HMGCLL1: variants seen among roughly 807,000 people sequenced by gnomAD.
HMGCLL1 encodes the protein 3-hydroxymethyl-3-methylglutaryl-CoA lyase, cytoplasmic.
A neutral mutation model predicts 39.1 loss-of-function variants in HMGCLL1; 36 were observed. That is an observed-to-expected ratio of 0.92 (90% CI 0.71 to 1.22). HMGCLL1 has a LOEUF of 1.22. HMGCLL1 is among the 50% of genes most tolerant of loss of function. The probability of loss-of-function intolerance (pLI) is 0.00; values close to 1 mark genes in which losing one functional copy is unlikely to be tolerated. For synonymous variants in HMGCLL1, 149 were observed against 144.0 expected (o/e 1.03, Z -0.25); for missense variants, 451 against 416.5 (o/e 1.08, Z -0.72).
At chr6:55,566,340 C>T (rs1771209878) in intron 1 of HMGCLL1, among the ~76,000 whole-genome samples, 1 of 152,126 alleles carries the variant, frequency 6.6e-6, no homozygotes, top group Admixed American at 6.6e-5. Context: ...TAATAAAGTT[C>T]ACCAAAAAGA....
chr6:55,471,874 C>T (rs1010552756), intron 7 of HMGCLL1, among the ~76,000 whole-genome samples: 2 of 151,468 alleles, frequency 1.3e-5, no homozygotes, highest in African/African-American at 4.8e-5. Flanking sequence ...ACATCTATAA[C>T]CATGGATTAG....
chr6:55,591,145 A>T, the HMGCLL1 span, among the ~76,000 whole-genome samples: 21 of 152,058 alleles, frequency 1.4e-4, no homozygotes, highest in South Asian at 1.7e-3. Flanking sequence ...GAGATGTTAA[A>T]TTTTTTCCAA....
chr6:55,478,807 G>T (rs534966590), intron 7 of HMGCLL1, among the ~76,000 whole-genome samples: 123 of 151,238 alleles, frequency 8.1e-4, no homozygotes, highest in Non-Finnish European at 4.7e-4. Flanking sequence ...TTTTATTTAG[G>T]CTGTTCTCAC....
At chr6:55,528,837 C>T (rs1768472597) in intron 3 of HMGCLL1, among the ~76,000 whole-genome samples, 1 of 151,966 alleles carries the variant, frequency 6.6e-6, no homozygotes. Context: ...GAAATGCCTA[C>T]ACGTCTCAAG....
chr6:55,517,417 CATGAACAATAAAT>C (rs1767797801), intron 3 of HMGCLL1, among the ~76,000 whole-genome samples: 2 of 151,766 alleles, frequency 1.3e-5, no homozygotes, highest in African/African-American at 4.8e-5. Context: ...TAAATTGTGG[CATGAACAATAAAT>C]ATGAAGAATA....
chr6:55,661,511 C>A, the HMGCLL1 span, among the ~76,000 whole-genome samples: 1 of 151,922 alleles, frequency 6.6e-6, no homozygotes, highest in Non-Finnish European at 1.5e-5. Context: ...TGTTGAAGAT[C>A]AGATGATTGT....
chr6:55,535,175 G>A (rs1475533680), intron 3 of HMGCLL1, among the ~76,000 whole-genome samples: 2 of 152,048 alleles, frequency 1.3e-5, no homozygotes, highest in Non-Finnish European at 2.9e-5. Context: ...CCAAATATTG[G>A]ACAAACAGCA....
At chr6:55,571,649 CA>C (rs369971928) in intron 1 of HMGCLL1, among the ~76,000 whole-genome samples, 150 of 147,696 alleles carry the variant, frequency 1.0e-3, no homozygotes, top group Admixed American at 2.4e-3. Flanking sequence ...ACTAAAAATA[CA>C]AAAAAAAAAT....
At chr6:55,535,277 A>G (rs182766489) in intron 3 of HMGCLL1, among the ~76,000 whole-genome samples, 1 of 152,224 alleles carries the variant, frequency 6.6e-6, no homozygotes, top group Non-Finnish European at 1.5e-5. Flanking sequence ...GAACCATGAC[A>G]ACTCTTATAA....
At chr6:55,566,473 A>T (rs751291006) in intron 1 of HMGCLL1, 2 of 278,132 alleles carry the variant, frequency 7.2e-6, no homozygotes, top group African/African-American at 2.2e-5. Flanking sequence ...TTGGAAAGTT[A>T]TAAGTGTAAG....
chr6:55,510,109 T>A (rs988560449), intron 5 of HMGCLL1, among the ~76,000 whole-genome samples: 4 of 152,002 alleles, frequency 2.6e-5, no homozygotes, highest in African/African-American at 9.7e-5. Flanking sequence ...TTATAATTTT[T>A]AAAACAATGA....
chr6:55,512,654 A>G (rs1157117394), intron 5 of HMGCLL1: 1 of 152,096 alleles, frequency 6.6e-6, no homozygotes, highest in Non-Finnish European at 1.5e-5. Context: ...GTCTAACTCT[A>G]ATTGTTCCCC....
At chr6:55,601,484 T>G in the HMGCLL1 span, among the ~76,000 whole-genome samples, 3 of 152,184 alleles carry the variant, frequency 2.0e-5, no homozygotes, top group African/African-American at 7.2e-5. Flanking sequence ...TAAATTCCAC[T>G]GCATTCTATT....
chr6:55,647,462 T>C, the HMGCLL1 span, among the ~76,000 whole-genome samples: 1 of 151,998 alleles, frequency 6.6e-6, no homozygotes, highest in Non-Finnish European at 1.5e-5. Flanking sequence ...TGTTTTACAG[T>C]CTTCTCTTCC....
the HMGCLL1 span, among the ~76,000 whole-genome samples, chr6:55,608,500 G>A: frequency 5.9e-5 from 9 of 152,000 alleles, no homozygotes; most frequent in African/African-American, 1.9e-4. Context: ...AAAAAAACAG[G>A]CTAATCGGAT....
At chr6:55,445,077 G>A (rs980773583) in intron 7 of HMGCLL1, among the ~76,000 whole-genome samples, 1 of 151,858 alleles carries the variant, frequency 6.6e-6, no homozygotes, top group Non-Finnish European at 1.5e-5. Context: ...TTTATTCAAG[G>A]ATATATGACC....
At chr6:55,461,041 G>A (rs1423583037) in intron 7 of HMGCLL1, among the ~76,000 whole-genome samples, 1 of 151,802 alleles carries the variant, frequency 6.6e-6, no homozygotes, top group Non-Finnish European at 1.5e-5. Flanking sequence ...TGCTGCTACA[G>A]GATTTGGAAG....
At chr6:55,630,920 A>G in the HMGCLL1 span, among the ~76,000 whole-genome samples, 15 of 152,068 alleles carry the variant, frequency 9.9e-5, no homozygotes, top group Non-Finnish European at 2.9e-5. Flanking sequence ...GCAGCATGAG[A>G]ACAGACTAAA....
the HMGCLL1 span, among the ~76,000 whole-genome samples, chr6:55,616,974 CAA>C: frequency 6.6e-6 from 1 of 151,864 alleles, no homozygotes; most frequent in South Asian, 2.1e-4. Context: ...AGATACAATT[CAA>C]AAAATCTGCC....
Sources: gnomAD v4.1 joint callset for allele counts (sites outside exome capture counted in the v4.1 genomes callset) on GRCh38, gnomAD v4.1.1 for gene constraint, MANE v1.5 for transcripts, NCBI Gene and HGNC (gene_info 2026-07-23, HGNC 2026-07-21) for gene names.